PTPRD: variants seen among roughly 807,000 people sequenced by gnomAD.
The protein encoded by PTPRD is receptor-type tyrosine-protein phosphatase delta.
A neutral mutation model predicts 214.5 loss-of-function variants in PTPRD; 34 were observed. That is an observed-to-expected ratio of 0.16 (90% confidence interval 0.12 to 0.21). The LOEUF is 0.21. Among genes scored for constraint, PTPRD ranks in the 10% least tolerant of loss-of-function variants. PTPRD has a pLI of 1.00. For synonymous variants in PTPRD, 1,128 were observed against 845.7 expected (o/e 1.33, Z -5.79); for missense variants, 2,545 against 2,398.7 (o/e 1.06, Z -1.27).
intron 3 of PTPRD, among the ~76,000 whole-genome samples, chr9:10,041,729 T>C (rs931309904): frequency 6.6e-5 from 10 of 152,006 alleles, no homozygotes; most frequent in Admixed American, 2.0e-4. Flanking sequence ...CACAATCATA[T>C]ACAGAAAATG....
At chr9:9,119,278 C>G (rs2099815328) in intron 10 of PTPRD, among the ~76,000 whole-genome samples, 1 of 152,110 alleles carries the variant, frequency 6.6e-6, no homozygotes, top group Non-Finnish European at 1.5e-5. Flanking sequence ...ACCAGCTGGC[C>G]TAGTTTCTAT....
chr9:8,552,811 C>A, intron 14 of PTPRD, among the ~76,000 whole-genome samples: 1 of 152,146 alleles, frequency 6.6e-6, no homozygotes, highest in East Asian at 1.9e-4. Flanking sequence ...GACAATGGGG[C>A]ATTAGTAAAT....
intron 8 of PTPRD, among the ~76,000 whole-genome samples, chr9:9,562,067 A>C (rs6477401): frequency 0.059 from 8,972 of 152,220 alleles, 907 homozygotes; most frequent in African/African-American, 0.2. Context: ...AAGACATCTG[A>C]AATTCAACAT....
intron 10 of PTPRD, among the ~76,000 whole-genome samples, chr9:9,033,407 A>G (rs181572594): frequency 1.3e-5 from 2 of 152,164 alleles, no homozygotes; most frequent in African/African-American, 4.8e-5. Flanking sequence ...CCGCTGCTCC[A>G]CTCAGAGCTT....
At chr9:9,352,310 C>CATATAT (rs35015743) in intron 9 of PTPRD, among the ~76,000 whole-genome samples, 1 of 140,970 alleles carries the variant, frequency 7.1e-6, no homozygotes, top group Non-Finnish European at 1.5e-5. Flanking sequence ...GCCAAAAAAC[C>CATATAT]ATATATATAT....
chr9:9,428,121 T>C (rs751494531), intron 8 of PTPRD, among the ~76,000 whole-genome samples: 17 of 152,002 alleles, frequency 1.1e-4, no homozygotes, highest in Non-Finnish European at 1.9e-4. Flanking sequence ...GACTGGCAAA[T>C]TGGATAAAGA....
chr9:10,118,196 T>TTATCTATCTATC (rs56038500), intron 3 of PTPRD, among the ~76,000 whole-genome samples: 2,367 of 148,908 alleles, frequency 0.016, 31 homozygotes, highest in Middle Eastern at 0.025. Flanking sequence ...CTCACATTTA[T>TTATCTATCTATC]TATCTATCTA....
At chr9:9,457,995 G>T (rs1349568622) in intron 8 of PTPRD, among the ~76,000 whole-genome samples, 1 of 151,922 alleles carries the variant, frequency 6.6e-6, no homozygotes. Flanking sequence ...ATAATAAGTG[G>T]TTTCACATTA....
At chr9:8,397,295 G>C (rs2091421682) in intron 36 of PTPRD, among the ~76,000 whole-genome samples, 1 of 152,056 alleles carries the variant, frequency 6.6e-6, no homozygotes, top group Non-Finnish European at 1.5e-5. Flanking sequence ...TATTTATTGA[G>C]GTAATATGGG....
chr9:8,431,123 T>C (rs1251325773), intron 35 of PTPRD, among the ~76,000 whole-genome samples: 1 of 152,204 alleles, frequency 6.6e-6, no homozygotes, highest in Non-Finnish European at 1.5e-5. Context: ...CTGTTAGCAG[T>C]TACGTCCCAA....
At chr9:10,582,943 G>C (rs2072488429) in intron 2 of PTPRD, among the ~76,000 whole-genome samples, 2 of 152,172 alleles carry the variant, frequency 1.3e-5, no homozygotes, top group Admixed American at 1.3e-4. Flanking sequence ...ACATAGGATA[G>C]AGGGAGGAAA....
At chr9:10,362,400 T>C (rs1044325459) in intron 2 of PTPRD, among the ~76,000 whole-genome samples, 2 of 151,428 alleles carry the variant, frequency 1.3e-5, no homozygotes, top group Non-Finnish European at 2.9e-5. Flanking sequence ...CCAGGCAGTC[T>C]GGCTCCAGTA....
intron 10 of PTPRD, among the ~76,000 whole-genome samples, chr9:9,081,481 G>C (rs768638492): frequency 1.3e-5 from 2 of 152,162 alleles, no homozygotes; most frequent in Non-Finnish European, 2.9e-5. Flanking sequence ...GTTGATTTTG[G>C]GTGGAGAATT....
At position 8,721,508 on chromosome 9, in the gene PTPRD, GTAAT is replaced by G. The variant is rs544732347; in HGVS notation, c.64+12268_64+12271del. On this transcript the variant is annotated intron_variant, in intron 12 of 45. Coordinates refer to ENST00000381196, the MANE Select transcript of PTPRD (RefSeq NM_002839.4). ...AGTGAAAGGTATCACAATCACTGTG[GTAAT>G]TAATTAAGATAAAATTAATTTTATT... Among the ~76,000 whole-genome samples the G allele has an allele frequency of 1.7e-4, 26 of 151,336 alleles. 1 individual carries two copies. The South Asian group carries it at 3.4e-3, about 20-fold the overall frequency.
chr9:8,430,445 T>C (rs2094968011), intron 35 of PTPRD, among the ~76,000 whole-genome samples: 1 of 151,024 alleles, frequency 6.6e-6, no homozygotes, highest in African/African-American at 2.4e-5. Flanking sequence ...TAATTTTTTT[T>C]TTTTTTGTAG....
chr9:8,964,476 A>G lies in PTPRD; in HGVS notation c.-104+54221T>C, dbSNP rs369374876. Among the ~76,000 whole-genome samples, 688 of 151,600 alleles carry G rather than the reference A, an allele frequency of 4.5e-3. 7 individuals are homozygous for G. The highest frequency in any genetic ancestry group is 0.015 in the African/African-American group (628 of 41,410). ...TCATTGTTAATCTAGTTAGTAGCCT[A>G]TTGATCCTGTTTATCCTTTTAAAGA... On this transcript the variant is annotated intron_variant, in intron 11 of 45. Transcript: ENST00000381196.
At chr9:9,035,749 G>C (rs1243583946) in intron 10 of PTPRD, among the ~76,000 whole-genome samples, 1 of 152,020 alleles carries the variant, frequency 6.6e-6, no homozygotes, top group African/African-American at 2.4e-5. Flanking sequence ...TATATAAAAG[G>C]GTGTGATTTT....
intron 5 of PTPRD, among the ~76,000 whole-genome samples, chr9:9,884,143 T>C (rs944410200): frequency 6.6e-6 from 1 of 152,044 alleles, no homozygotes; most frequent in Non-Finnish European, 1.5e-5. Flanking sequence ...TATGTAGCAG[T>C]GAAGTTTATT....
chr9:10,308,603 A>G (rs1021097633), intron 3 of PTPRD, among the ~76,000 whole-genome samples: 1 of 152,076 alleles, frequency 6.6e-6, no homozygotes, highest in Non-Finnish European at 1.5e-5. Context: ...GAATAATACC[A>G]TTAGTATTTT....
Sources: gnomAD v4.1 joint callset for allele counts (sites outside exome capture counted in the v4.1 genomes callset) on GRCh38, gnomAD v4.1.1 for gene constraint, MANE v1.5 for transcripts, NCBI Gene and HGNC (gene_info 2026-07-23, HGNC 2026-07-21) for gene names.